The following ERCC3 variants were observed in gnomAD, a reference collection of about 807,000 sequenced individuals.
ERCC3 encodes general transcription and DNA repair factor IIH helicase/translocase subunit XPB.
Under a neutral mutation model 94.2 loss-of-function variants are expected in ERCC3, and 66 were observed. That is an observed-to-expected ratio of 0.70 (90% CI 0.57 to 0.86). The LOEUF is 0.86. Among genes scored for constraint, ERCC3 ranks in the 40% least tolerant of loss-of-function variants. The pLI, the probability that ERCC3 is intolerant of heterozygous loss-of-function variation, is 0.00. For synonymous variants in ERCC3, 349 were observed against 369.1 expected (o/e 0.95, Z 0.63); for missense variants, 829 against 987.1 (o/e 0.84, Z 2.15).
At chr2:127,266,127 A>G (rs1684353598) in intron 12 of ERCC3, among the ~76,000 whole-genome samples, 1 of 148,210 alleles carries the variant, frequency 6.7e-6, no homozygotes, top group South Asian at 2.1e-4. Context: ...AGGTCTCGCT[A>G]TGTTGCCCAG....
Position 127,289,367 on chromosome 2 carries a change from C to CTCT in ERCC3, c.789_791dup (p.Glu264dup), listed in dbSNP as rs761456808. The CTCT allele has an allele frequency of 3.4e-5, 55 of 1,613,280 alleles. No homozygotes were observed. The highest frequency in any genetic ancestry group is 1.3e-4 in the South Asian group (12 of 91,042). On this transcript the variant is annotated inframe_insertion, in exon 6 of 15. Coordinates refer to ENST00000285398, the MANE Select transcript of ERCC3 (RefSeq NM_000122.2). ...TGACTTCAAAAGACACTGTCTGTGT[C>CTCT]TCTTCTTCTTCTTCTTCATCCTTGT...
chr2:127,260,586 A>G (rs988388718), intron 13 of ERCC3: 4 of 154,424 alleles, frequency 2.6e-5, no homozygotes, highest in African/African-American at 9.7e-5. Context: ...GACACATTAA[A>G]AACGTATCTC....
intron 11 of ERCC3, among the ~76,000 whole-genome samples, chr2:127,272,002 CATTTCTT>C (rs1204438805): frequency 7.4e-6 from 1 of 134,536 alleles, no homozygotes; most frequent in East Asian, 2.3e-4. Context: ...CATAAAATCT[CATTTCTT>C]TTTTTTTTTT....
intron 12 of ERCC3, among the ~76,000 whole-genome samples, chr2:127,266,333 CTT>C (rs58029182): frequency 5.4e-5 from 6 of 111,352 alleles, no homozygotes; most frequent in Non-Finnish European, 7.0e-5. Flanking sequence ...TTTATTGAGT[CTT>C]TTTTTTTTTT....
Position 127,259,221 on chromosome 2 carries a change from A to C in ERCC3, c.2217+75T>G. ...CATGGGCCCATCCAGGCAGGACTAC[A>C]TGTCTGTGTCTGTGTCTACAAACGC... On this transcript the variant is annotated intron_variant, in intron 14 of 14. Transcript: ENST00000285398. The surrounding 1 kb of genome is among the most constrained non-coding windows in gnomAD (Gnocchi z 4.9). 1 of 1,553,766 alleles carries C rather than the reference A, an allele frequency of 6.4e-7. No homozygotes were observed. The highest frequency in any genetic ancestry group is 8.9e-7 in the Non-Finnish European group (1 of 1,126,632).
chr2:127,277,376 A>G lies in ERCC3; in HGVS notation c.1730+1797T>C, dbSNP rs1684763685. On this transcript the variant is annotated intron_variant, in intron 10 of 14. Transcript: ENST00000285398. The surrounding 1 kb of genome is among the most constrained non-coding windows in gnomAD (Gnocchi z 5.1). ...AATGACAAGGCAATTATTAACTCCA[A>G]GGCAAAAAAACATTTACAAAAAAGA... Among the ~76,000 whole-genome samples, 1 of 152,226 alleles carries G rather than the reference A, an allele frequency of 6.6e-6. No individual in the cohort carries two copies.
In ERCC3 at chr2:127,269,482, C is replaced by T. The variant is rs533232845; in HGVS notation, c.1945+1854G>A. 7.1e-5 allele frequency among the ~76,000 whole-genome samples: 10 copies of T among 140,248 alleles called. No individual in the cohort carries two copies. The East Asian group carries it at 1.9e-3, about 26-fold the overall frequency. 92.0% of individuals were successfully genotyped at this position (140,248 alleles called of 152,430 possible). A position where few individuals can be genotyped will look rare whatever the true frequency, so the allele number is the denominator to read the frequency against. Reference sequence around the variant, plus strand: ...TGTTGCCCAGGCTGGAATGCAGTGGCGCAATCTCGGCTCACTGTAAGCTCT... The same window carrying T: ...TGTTGCCCAGGCTGGAATGCAGTGGTGCAATCTCGGCTCACTGTAAGCTCT... On this transcript the variant is annotated intron_variant, in intron 12 of 14. Coordinates refer to ENST00000285398, the MANE Select transcript of ERCC3 (RefSeq NM_000122.2).
At chr2:127,278,252 G>C (rs201035378) in intron 10 of ERCC3, among the ~76,000 whole-genome samples, 2 of 144,194 alleles carry the variant, frequency 1.4e-5, no homozygotes, top group Non-Finnish European at 3.0e-5. Flanking sequence ...AAAAAAAAAA[G>C]AAAAAAGGAA....
At chr2:127,261,194 T>C (rs1684178942) in intron 13 of ERCC3, 34 bp downstream of exon 13, 2 of 1,281,694 alleles carry the variant, frequency 1.6e-6, no homozygotes, top group Non-Finnish European at 2.3e-6. Context: ...AAGGCCTTGG[T>C]CCTAGTCTAA....
chr2:127,271,459 G>C lies in ERCC3; in HGVS notation c.1828-6C>G. The C allele has an allele frequency of 1.3e-6, 2 of 1,593,434 alleles. No homozygotes were observed. The highest frequency in any genetic ancestry group is 1.7e-6 in the Non-Finnish European group (2 of 1,161,958). On this transcript the variant is annotated splice_polypyrimidine_tract_variant and splice_region_variant and intron_variant, in intron 11 of 14. Coordinates refer to ENST00000285398, the MANE Select transcript of ERCC3 (RefSeq NM_000122.2). This position sits in a 1 kb window ranked among gnomAD's most constrained non-coding sequence, Gnocchi z 5.0. Reference sequence around the variant, plus strand: ...TCAAACGAAGTGTCACCTACCTACAGAAACAAGTTGGAAGGTTTTTATATA... The same window carrying C: ...TCAAACGAAGTGTCACCTACCTACACAAACAAGTTGGAAGGTTTTTATATA...
At chr2:127,288,448 T>C (rs1338477781) in intron 7 of ERCC3, among the ~76,000 whole-genome samples, 18 of 152,194 alleles carry the variant, frequency 1.2e-4, no homozygotes, top group Admixed American at 1.2e-3. Context: ...GTCAGAAGTG[T>C]TGTTCTAGCC....
chr2:127,272,072 G>T (rs1684575821), intron 11 of ERCC3, among the ~76,000 whole-genome samples: 2 of 126,824 alleles, frequency 1.6e-5, no homozygotes, highest in South Asian at 5.2e-4. Context: ...AGGCTGGAGT[G>T]CAACGGCACA....
chr2:127,266,266 T>C (rs1684357498), intron 12 of ERCC3, among the ~76,000 whole-genome samples: 1 of 149,492 alleles, frequency 6.7e-6, no homozygotes, highest in Non-Finnish European at 1.5e-5. Context: ...TACTGATTTC[T>C]ACTTTTATTC....
intron 12 of ERCC3, chr2:127,262,783 T>C (rs1168332950): frequency 6.6e-6 from 1 of 152,208 alleles, no homozygotes; most frequent in Non-Finnish European, 1.5e-5. Context: ...AGGATCCTTA[T>C]AGTTTGAGGT....
chr2:127,278,531 T>G (rs765232234), intron 10 of ERCC3, among the ~76,000 whole-genome samples: 10 of 152,306 alleles, frequency 6.6e-5, no homozygotes, highest in Admixed American at 6.5e-4. Flanking sequence ...GTAAAACCTA[T>G]GTATAGTACC....
chr2:127,293,998 G>T, intron 1 of ERCC3, 56 bp downstream of exon 1: 4 of 1,591,534 alleles, frequency 2.5e-6, no homozygotes, highest in South Asian at 1.1e-5. Flanking sequence ...GAGGCAGAGC[G>T]GGGGGCAGGG....
chr2:127,287,388 T>G (rs755281332), intron 7 of ERCC3, among the ~76,000 whole-genome samples: 9 of 152,038 alleles, frequency 5.9e-5, no homozygotes, highest in Non-Finnish European at 1.0e-4. Flanking sequence ...ATCCCAGCAC[T>G]TTGGGAGGCC....
Position 127,280,933 on chromosome 2 carries a change from C to T in ERCC3, c.1343-302G>A. ...CAGGACCACAGAAGCTGGCTCTAGA[C>T]AAGAATGACTAGGCAAATGCTTCAC... is the stretch of plus-strand genomic sequence containing the variant. On this transcript the variant is annotated intron_variant, in intron 8 of 14. Coordinates refer to ENST00000285398, the MANE Select transcript of ERCC3 (RefSeq NM_000122.2). The surrounding 1 kb of genome is among the most constrained non-coding windows in gnomAD (Gnocchi z 6.3). 1 of 502,642 alleles carries T rather than the reference C, an allele frequency of 2.0e-6. No homozygotes were observed. The highest frequency in any genetic ancestry group is 3.9e-5 in the South Asian group (1 of 25,404). 31.1% of individuals were successfully genotyped at this position (502,642 alleles called of 1,614,324 possible).
chr2:127,259,304 A>C lies in ERCC3; in HGVS notation c.2209T>G (p.Ser737Ala), dbSNP rs773618141. 15 of 1,614,030 alleles carry C rather than the reference A, an allele frequency of 9.3e-6. No homozygotes were observed. The highest frequency in any genetic ancestry group is 1.3e-5 in the African/African-American group (1 of 74,916). The change falls in exon 14 of 15, where the codon TCC becomes GCC. Residue 737 changes from serine (S) to alanine (A), a missense_variant. Transcript: ENST00000285398. This position sits in a 1 kb window ranked among gnomAD's most constrained non-coding sequence, Gnocchi z 4.9. The stretch of plus-strand genomic sequence containing the variant: ...CTCACCCATTTACTCACCTGGCTGG[A>C]TCTGGAGCCAAATTCCCCAGCCACC... Reference protein sequence around the residue: ...EVVAGEFGSRSSQASRRFGTM... With the variant: ...EVVAGEFGSRASQASRRFGTM...
Sources: gnomAD v4.1 joint callset for allele counts (sites outside exome capture counted in the v4.1 genomes callset) on GRCh38, gnomAD v4.1.1 for gene constraint, Gnocchi (gnomAD v3.1) non-coding constraint, MANE v1.5 for transcripts, NCBI Gene and HGNC (gene_info 2026-07-23, HGNC 2026-07-21) for gene names.